B3GALT1: variants seen among roughly 807,000 people sequenced by gnomAD.
B3GALT1 encodes beta-1,3-galactosyltransferase 1, also known as UDP-Gal:betaGlcNAc beta 1,3-galactosyltransferase, polypeptide 1.
B3GALT1 carries 10 observed loss-of-function variants against 23.2 expected under a neutral mutation model. The ratio of observed to expected loss-of-function variants is 0.43; its 90% CI spans 0.27 to 0.73. B3GALT1 has a LOEUF of 0.73. Among genes scored for constraint, B3GALT1 ranks in the 30% least tolerant of loss-of-function variants. The pLI, the probability that B3GALT1 is intolerant of heterozygous loss-of-function variation, is 0.21. For missense variants in B3GALT1, 299 were observed against 405.4 expected (o/e 0.74, Z 2.25); for synonymous variants, 156 against 141.5 (o/e 1.10, Z -0.73).
chr2:167,546,946 T>C (rs550095010), intron 2 of B3GALT1, among the ~76,000 whole-genome samples: 5 of 152,182 alleles, frequency 3.3e-5, no homozygotes, highest in African/African-American at 1.2e-4. Flanking sequence ...CACTTTCCCT[T>C]GACCCACTAT....
intron 3 of B3GALT1, among the ~76,000 whole-genome samples, chr2:167,785,345 G>A (rs989007773): frequency 1.3e-5 from 2 of 152,264 alleles, no homozygotes; most frequent in African/African-American, 2.4e-5. Flanking sequence ...AGAATCGACC[G>A]AGAAGCAGAC....
intron 3 of B3GALT1, among the ~76,000 whole-genome samples, chr2:167,799,617 C>T (rs836677): frequency 0.24 from 36,745 of 152,102 alleles, 5,306 homozygotes; most frequent in African/African-American, 0.39. Flanking sequence ...ATAGTGGTGA[C>T]TATCCAGCAC....
At chr2:167,398,405 C>T (rs973752651) in intron 1 of B3GALT1, among the ~76,000 whole-genome samples, 3 of 151,928 alleles carry the variant, frequency 2.0e-5, no homozygotes, top group South Asian at 4.1e-4. Context: ...CTATCTCTAC[C>T]GTTTTCTTTA....
intron 2 of B3GALT1, among the ~76,000 whole-genome samples, chr2:167,570,428 G>T (rs1320380339): frequency 6.6e-6 from 1 of 151,826 alleles, no homozygotes; most frequent in African/African-American, 2.4e-5. Flanking sequence ...CATCAAATTT[G>T]TGAGCGTACA....
intron 2 of B3GALT1, among the ~76,000 whole-genome samples, chr2:167,514,879 A>G (rs940234151): frequency 2.0e-5 from 3 of 152,152 alleles, no homozygotes; most frequent in Non-Finnish European, 4.4e-5. Context: ...AATATAAACT[A>G]CTATAATTTG....
chr2:167,507,596 C>T (rs1330170112), intron 2 of B3GALT1, among the ~76,000 whole-genome samples: 1 of 143,828 alleles, frequency 7.0e-6, no homozygotes, highest in Non-Finnish European at 1.5e-5. Context: ...TTTACTGAAA[C>T]TTAATGGATC....
intron 1 of B3GALT1, among the ~76,000 whole-genome samples, chr2:167,308,412 G>A (rs551041787): frequency 2.6e-5 from 4 of 152,008 alleles, no homozygotes; most frequent in South Asian, 2.1e-4. Context: ...CTTAGACATC[G>A]ACTGTAATTT....
At chr2:167,346,663 A>G (rs1697225368) in intron 1 of B3GALT1, among the ~76,000 whole-genome samples, 1 of 151,370 alleles carries the variant, frequency 6.6e-6, no homozygotes, top group African/African-American at 2.4e-5. Context: ...TTGAGGGTCC[A>G]TTTTCTTTGG....
At chr2:167,777,677 G>T (rs1269792392) in intron 3 of B3GALT1, among the ~76,000 whole-genome samples, 5 of 152,124 alleles carry the variant, frequency 3.3e-5, no homozygotes, top group Non-Finnish European at 7.4e-5. Flanking sequence ...TAGCATTCTT[G>T]CAAAGGAGTA....
chr2:167,669,347 A>T (rs924553632), intron 3 of B3GALT1, among the ~76,000 whole-genome samples: 1 of 152,236 alleles, frequency 6.6e-6, no homozygotes, highest in East Asian at 1.9e-4. Context: ...AAATTCAAAT[A>T]AGTTCTTGAA....
chr2:167,436,252 C>CT (rs1386905606), intron 1 of B3GALT1, among the ~76,000 whole-genome samples: 1 of 152,164 alleles, frequency 6.6e-6, no homozygotes, highest in East Asian at 1.9e-4. Context: ...CGACTTCTTA[C>CT]TTTTTGGAAC....
chr2:167,638,769 G>A (rs1282539483), intron 2 of B3GALT1, among the ~76,000 whole-genome samples: 1 of 151,940 alleles, frequency 6.6e-6, no homozygotes, highest in Admixed American at 6.6e-5. Flanking sequence ...AATTTAAATA[G>A]AATCTTATTG....
intron 2 of B3GALT1, among the ~76,000 whole-genome samples, chr2:167,552,906 G>T (rs2105382044): frequency 6.6e-6 from 1 of 152,128 alleles, no homozygotes; most frequent in East Asian, 1.9e-4. Flanking sequence ...TATGTTTCTG[G>T]TCCTTAAATT....
chr2:167,342,967 T>C (rs1340340930), intron 1 of B3GALT1, among the ~76,000 whole-genome samples: 1 of 152,192 alleles, frequency 6.6e-6, no homozygotes, highest in Non-Finnish European at 1.5e-5. Context: ...CAAACACATA[T>C]CACCTCAAGG....
intron 3 of B3GALT1, among the ~76,000 whole-genome samples, chr2:167,805,509 G>T (rs1688732919): frequency 6.6e-6 from 1 of 152,152 alleles, no homozygotes; most frequent in African/African-American, 2.4e-5. Context: ...TTTGTATAAG[G>T]TGTAAGGAAG....
At chr2:167,738,737 A>G (rs2105273625) in intron 3 of B3GALT1, among the ~76,000 whole-genome samples, 1 of 152,320 alleles carries the variant, frequency 6.6e-6, no homozygotes, top group East Asian at 1.9e-4. Flanking sequence ...GCCTTTTAGA[A>G]TAACTAGAAG....
intron 1 of B3GALT1, among the ~76,000 whole-genome samples, chr2:167,319,578 G>A (rs1000744421): frequency 6.6e-6 from 1 of 152,024 alleles, no homozygotes; most frequent in Admixed American, 6.5e-5. Flanking sequence ...AGAGTTATCT[G>A]ATGGGAATGA....
intron 3 of B3GALT1, among the ~76,000 whole-genome samples, chr2:167,650,014 A>T (rs1685833609): frequency 6.6e-6 from 1 of 151,862 alleles, no homozygotes; most frequent in Non-Finnish European, 1.5e-5. Context: ...GGGAAGCTTT[A>T]GTTTTTTCAC....
rs555300060 is a variant in B3GALT1, at chr2:167,320,361, T to C, written c.-511+27027T>C. Among the ~76,000 whole-genome samples the C allele has an allele frequency of 2.0e-5, 3 of 151,996 alleles. No individual in the cohort carries two copies. In the South Asian group the frequency reaches 6.2e-4, roughly 32 times the overall value. On this transcript the variant is annotated intron_variant, in intron 1 of 4. Transcript: ENST00000392690. ...CACACCACCATACCTGGCTAATTTTTATATATTTTGGTAGAGAGGGGTTTC... is the reference window on the plus strand; with the variant it reads ...CACACCACCATACCTGGCTAATTTTCATATATTTTGGTAGAGAGGGGTTTC...
Sources: allele counts gnomAD v4.1 joint callset (sites outside exome capture counted in the v4.1 genomes callset), GRCh38; gene constraint gnomAD v4.1.1; transcripts MANE v1.5; gene names NCBI Gene and HGNC (gene_info 2026-07-23, HGNC 2026-07-21).